Variants in YARS2 observed in about 807,000 individuals in gnomAD.
The protein encoded by YARS2 is tyrosine--tRNA ligase, mitochondrial.
Under a neutral mutation model 45.0 loss-of-function variants are expected in YARS2, and 38 were observed. The observed-to-expected ratio is 0.84, with a 90% confidence interval of 0.65 to 1.11. The LOEUF (loss-of-function observed/expected upper bound fraction) is 1.11. YARS2 is among the 50% of genes least tolerant of loss of function. YARS2 has a pLI of 0.00. For synonymous variants in YARS2, 287 were observed against 245.1 expected (o/e 1.17, Z -1.60); for missense variants, 602 against 599.8 (o/e 1.00, Z -0.04).
At chr12:32,753,521 G>C (rs1013950753) in intron 2 of YARS2, among the ~76,000 whole-genome samples, 7 of 152,086 alleles carry the variant, frequency 4.6e-5, no homozygotes, top group Admixed American at 4.6e-4. Flanking sequence ...AAGAGTTTAA[G>C]GCAATTTGAT....
rs1565560814 is a variant in YARS2 at position 32,755,262 on chromosome 12, G to A, written c.613C>T (p.Gln205Ter). The change falls in exon 1 of 5, where the codon CAG (glutamine) becomes TAG (stop). Residue 205 changes from glutamine (Q) to a stop codon, truncating the protein, a stop_gained. Transcript: ENST00000324868. LOFTEE classifies it high-confidence loss of function. ...MGTLLSRQSV[Q>*]LRLKSPEGMS... ...CCCTCGGGGCTCTTGAGCCGCAGCT[G>A]CACGCTCTGCCGGCTCAGCAGCGTC... 6.2e-7 allele frequency: 1 copy of A among 1,614,126 alleles called. No individual in the cohort carries two copies. Among genetic ancestry groups the A allele is most frequent in the Non-Finnish European group, 8.5e-7 (1 of 1,180,042 alleles).
Position 32,750,887 on chromosome 12 carries a change from AAAT to A in YARS2, c.948-16_948-14del. ...CAGCTTCAGGTACCTTTGAGACAAA[AAAT>A]AAAGAGTTACACTTATATAACATAC... On this transcript the variant is annotated splice_polypyrimidine_tract_variant and intron_variant, in intron 2 of 4. Transcript: ENST00000324868. The A allele has an allele frequency of 6.2e-7, 1 of 1,613,520 alleles. No individual in the cohort carries two copies. Among genetic ancestry groups the A allele is most frequent in the Non-Finnish European group, 8.5e-7 (1 of 1,179,948 alleles).
chr12:32,750,711 A>C lies in YARS2; in HGVS notation c.1103+8T>G. On this transcript the variant is annotated splice_region_variant and intron_variant, in intron 3 of 4. Transcript: ENST00000324868. ...AACTATCAAGTGTTAATCATACTAA[A>C]CTACTACCTTTTAGCAGAATCCAAT... 6.2e-7 allele frequency: 1 copy of C among 1,613,606 alleles called. No individual in the cohort carries two copies. Among genetic ancestry groups the C allele is most frequent in the South Asian group, 1.1e-5 (1 of 91,080 alleles).
chr12:32,755,062 T>C, intron 1 of YARS2, 34 bp downstream of exon 1: 1 of 1,613,682 alleles, frequency 6.2e-7, no homozygotes, highest in Non-Finnish European at 8.5e-7. Context: ...AATTATTTGG[T>C]CCCAGGATTT....
Position 32,747,042 on chromosome 12 carries a change from T to C in YARS2, c.*162A>G, listed in dbSNP as rs11052215. The C allele has an allele frequency of 3.3e-3, 2,148 of 646,910 alleles. 40 individuals are homozygous for C. In the African/African-American group the frequency reaches 0.034, roughly 10 times the overall value. 40.1% of individuals were successfully genotyped at this position (646,910 alleles called of 1,614,324 possible). ...CATCCCATTATTAAACAAATATTTA[T>C]TAACCGGCCCATAAAAATAATGAAG... On this transcript the variant is annotated 3_prime_UTR_variant, in exon 5 of 5. Coordinates refer to ENST00000324868, the MANE Select transcript of YARS2 (RefSeq NM_001040436.3).
intron 2 of YARS2, among the ~76,000 whole-genome samples, chr12:32,752,196 T>A (rs914325027): frequency 5.3e-5 from 8 of 152,238 alleles, no homozygotes; most frequent in African/African-American, 1.9e-4. Context: ...TCATCCTATA[T>A]GTATTCTCTT....
At chr12:32,747,462 T>G (rs1013865504) in intron 4 of YARS2, 99 bp from the exon 5 acceptor site, 16 of 1,274,214 alleles carry the variant, frequency 1.3e-5, no homozygotes, top group Non-Finnish European at 1.8e-5. Flanking sequence ...GCTCTCCAAT[T>G]GAGAAGATTT....
At chr12:32,748,060 G>A (rs1234609472) in intron 4 of YARS2, among the ~76,000 whole-genome samples, 1 of 152,152 alleles carries the variant, frequency 6.6e-6, no homozygotes, top group African/African-American at 2.4e-5. Context: ...GCTACAGCGT[G>A]GCTAGATCTT....
At chr12:32,748,477 T>C (rs1193586435) in intron 4 of YARS2, among the ~76,000 whole-genome samples, 2 of 151,838 alleles carry the variant, frequency 1.3e-5, no homozygotes, top group Non-Finnish European at 2.9e-5. Context: ...AAAAAAAAAA[T>C]CAGTATTACT....
chr12:32,750,975 A>G, intron 2 of YARS2, 101 bp from the exon 3 acceptor site: 1 of 1,346,618 alleles, frequency 7.4e-7, no homozygotes, highest in Non-Finnish European at 1.0e-6. Context: ...TTTAAATATG[A>G]AACAAACATA....
intron 4 of YARS2, among the ~76,000 whole-genome samples, chr12:32,747,733 G>C (rs918532422): frequency 6.6e-6 from 1 of 152,060 alleles, no homozygotes; most frequent in Admixed American, 6.6e-5. Flanking sequence ...GATGGGTTTC[G>C]CCATGTTAGC....
At chr12:32,750,154 A>G (rs369280067) in intron 3 of YARS2, 47 bp from the exon 4 acceptor site, 64 of 1,608,436 alleles carry the variant, frequency 4.0e-5, no homozygotes, top group Non-Finnish European at 5.4e-5. Flanking sequence ...GTTTATTCAA[A>G]TACATGTTCT....
chr12:32,747,385 T>TA, intron 4 of YARS2, 22 bp from the exon 5 acceptor site: 1 of 1,611,824 alleles, frequency 6.2e-7, no homozygotes, highest in Non-Finnish European at 8.5e-7. Context: ...AAACGTTTAG[T>TA]AAGTAGAGAG....
rs59203521 is a variant in YARS2, at chr12:32,751,087, A to G, written c.948-213T>C. On this transcript the variant is annotated intron_variant, in intron 2 of 4. Transcript: ENST00000324868. ...TTTCAATTTCTTTTTTTTTTTTTTG[A>G]GATGGGGGTCTTGCTGTTGCCCAGG... 0.011 allele frequency among the ~76,000 whole-genome samples: 1,431 copies of G among 134,766 alleles called. 28 individuals carry two copies. The highest frequency in any genetic ancestry group is 0.038 in the African/African-American group (1,317 of 34,510). The allele number at this position is 134,766 out of a possible 152,430, so 88.4% of individuals were successfully genotyped here. A position where few individuals can be genotyped will look rare whatever the true frequency, so the allele number is the denominator to read the frequency against.
chr12:32,752,389 G>C (rs1483014456), intron 2 of YARS2, among the ~76,000 whole-genome samples: 2 of 152,034 alleles, frequency 1.3e-5, no homozygotes, highest in African/African-American at 4.8e-5. Context: ...AGATTTAAAG[G>C]TAATATATAT....
At chr12:32,748,672 A>C (rs938398163) in intron 4 of YARS2, among the ~76,000 whole-genome samples, 1 of 152,252 alleles carries the variant, frequency 6.6e-6, no homozygotes, top group Admixed American at 6.5e-5. Flanking sequence ...ACTGTGTGTT[A>C]AACCAGCAGA....
rs1178320081 is a variant in YARS2 at position 32,746,647 on chromosome 12, C to T, written c.*557G>A. 1 of 153,834 alleles carries T rather than the reference C, an allele frequency of 6.5e-6. No homozygotes were observed. Among genetic ancestry groups the T allele is most frequent in the African/African-American group, 2.4e-5 (1 of 41,176 alleles). 9.5% of individuals were successfully genotyped at this position (153,834 alleles called of 1,614,324 possible). On this transcript the variant is annotated 3_prime_UTR_variant, in exon 5 of 5. Transcript: ENST00000324868. ...CCATCTCCTGGGTTCAAGTGATTCTCGCAGCTCAGCCTCTTGAGTAGCTGG... is the reference window on the plus strand; with the variant it reads ...CCATCTCCTGGGTTCAAGTGATTCTTGCAGCTCAGCCTCTTGAGTAGCTGG...
intron 4 of YARS2, among the ~76,000 whole-genome samples, chr12:32,747,687 G>A (rs11052217): frequency 0.14 from 21,495 of 152,042 alleles, 1,559 homozygotes; most frequent in Middle Eastern, 0.18. Context: ...ACAGGTGCAT[G>A]CCACCACACC....
Position 32,755,370 on chromosome 12 carries a change from T to C in YARS2, c.505A>G (p.Thr169Ala), listed in dbSNP as rs1168662922. 1.2e-6 allele frequency: 2 copies of C among 1,614,042 alleles called. No homozygotes were observed. The highest frequency in any genetic ancestry group is 1.7e-6 in the Non-Finnish European group (2 of 1,180,032). The change falls in exon 1 of 5, where the codon ACT (threonine) becomes GCT (alanine). Residue 169 changes from threonine (T) to alanine (A), a missense_variant. By Grantham distance (58) the Thr-to-Ala change is moderately conservative. Coordinates refer to ENST00000324868, the MANE Select transcript of YARS2 (RefSeq NM_001040436.3). The part of the protein sequence containing the change: ...FTDGRSWGSF[T>A]VLDNSAWYQK... The stretch of plus-strand genomic sequence containing the variant: ...TACCAGGCCGAGTTGTCCAGCACAG[T>C]GAAGCTGCCCCAGGAGCGCCCATCA...
Sources: allele counts gnomAD v4.1 joint callset (sites outside exome capture counted in the v4.1 genomes callset), GRCh38; gene constraint gnomAD v4.1.1; transcripts MANE v1.5; gene names NCBI Gene and HGNC (gene_info 2026-07-23, HGNC 2026-07-21).